ABCA10: variants seen among roughly 807,000 people sequenced by gnomAD.
The protein encoded by ABCA10 is ATP binding cassette subfamily A member 10, also known as ATP-binding cassette sub-family A member 10.
In ABCA10, 169 loss-of-function variants were observed where a neutral mutation model predicts 187.5. The ratio of observed to expected loss-of-function variants is 0.90; its 90% CI spans 0.80 to 1.02. The LOEUF (loss-of-function observed/expected upper bound fraction) is 1.02. ABCA10 is among the 50% of genes least tolerant of loss of function. The pLI, the probability that ABCA10 is intolerant of heterozygous loss-of-function variation, is 0.00. For synonymous variants in ABCA10, 574 were observed against 601.8 expected (o/e 0.95, Z 0.68); for missense variants, 1,727 against 1,812.4 (o/e 0.95, Z 0.86).
In ABCA10 at chr17:69,174,272, T is replaced by C. The variant is rs1269081317; in HGVS notation, c.3162+9A>G. ...TAATATAAATGTGCACGCATGTATA[T>C]ATACTTACAATAAAAAAGCCAAAAG... On this transcript the variant is annotated intron_variant, in intron 25 of 38. Transcript: ENST00000690296. The C allele has an allele frequency of 2.6e-6, 4 of 1,554,384 alleles. No homozygotes were observed. The highest frequency in any genetic ancestry group is 3.5e-6 in the Non-Finnish European group (4 of 1,140,742).
At chr17:69,203,652 G>C (rs925799361) in intron 9 of ABCA10, among the ~76,000 whole-genome samples, 1 of 152,180 alleles carries the variant, frequency 6.6e-6, no homozygotes, top group Non-Finnish European at 1.5e-5. Context: ...AGCTGCCAGA[G>C]AGAGCTTCCT....
chr17:69,149,608 G>T (rs1220758711), intron 37 of ABCA10, among the ~76,000 whole-genome samples: 1 of 152,032 alleles, frequency 6.6e-6, no homozygotes, highest in Admixed American at 6.6e-5. Context: ...TGGTACCTTG[G>T]CTTTTAGAAA....
At chr17:69,157,147 T>C (rs1038148223) in intron 27 of ABCA10, among the ~76,000 whole-genome samples, 1 of 152,170 alleles carries the variant, frequency 6.6e-6, no homozygotes, top group African/African-American at 2.4e-5. Context: ...CCCACATTAA[T>C]TTTTTTAAAA....
chr17:69,207,968 A>G (rs1250363649), intron 9 of ABCA10, among the ~76,000 whole-genome samples: 1 of 152,230 alleles, frequency 6.6e-6, no homozygotes, highest in Non-Finnish European at 1.5e-5. Flanking sequence ...GGATATGTTA[A>G]TTAGCTAGAT....
chr17:69,219,849 G>C lies in ABCA10; in HGVS notation c.304-78C>G, dbSNP rs1012361947. ...AGAAAACTATACACTTTTTATTTTC[G>C]ATTTCAATATTTACATATTCTCATC... On this transcript the variant is annotated intron_variant, in intron 5 of 38. Coordinates refer to ENST00000690296, the MANE Select transcript of ABCA10 (RefSeq NM_001377321.1). 3.9e-6 allele frequency: 4 copies of C among 1,017,460 alleles called. No homozygotes were observed. The East Asian group carries it at 7.9e-5, about 20-fold the overall frequency. 63.0% of individuals were successfully genotyped at this position (1,017,460 alleles called of 1,614,324 possible). A position where few individuals can be genotyped will look rare whatever the true frequency, so the allele number is the denominator to read the frequency against.
At chr17:69,182,586 A>T in intron 21 of ABCA10, 89 bp downstream of exon 21, 1 of 1,370,804 alleles carries the variant, frequency 7.3e-7, no homozygotes, top group Non-Finnish European at 9.5e-7. Context: ...TAGAAAACAT[A>T]CTTAAGTTTC....
At chr17:69,182,022 G>C (rs2074383654) in intron 22 of ABCA10, 131 bp downstream of exon 22, 1 of 880,050 alleles carries the variant, frequency 1.1e-6, no homozygotes, top group Admixed American at 3.9e-5. Flanking sequence ...AGACACAAAG[G>C]CAAGGAGTAG....
intron 9 of ABCA10, among the ~76,000 whole-genome samples, chr17:69,204,239 C>T (rs1460657480): frequency 1.3e-5 from 2 of 152,096 alleles, no homozygotes; most frequent in Admixed American, 1.3e-4. Context: ...CTCTGCCAAA[C>T]AATTTTTAAT....
intron 5 of ABCA10, 63 bp from the exon 6 acceptor site, chr17:69,219,834 A>T: frequency 8.7e-7 from 1 of 1,153,780 alleles, no homozygotes; most frequent in Non-Finnish European, 1.2e-6. Flanking sequence ...AGAAAACTAT[A>T]CACTTTTTAT....
chr17:69,162,950 GC>G (rs2074229280), intron 27 of ABCA10, among the ~76,000 whole-genome samples: 2 of 151,600 alleles, frequency 1.3e-5, no homozygotes, highest in Admixed American at 1.3e-4. Context: ...CGATTCTCCT[GC>G]CTCAGCCTCC....
chr17:69,171,859 AT>A (rs547648328), intron 25 of ABCA10, among the ~76,000 whole-genome samples: 1 of 148,368 alleles, frequency 6.7e-6, no homozygotes, highest in African/African-American at 2.5e-5. Context: ...GTGAAAAAAG[AT>A]TTTTTTTAAA....
At chr17:69,154,813 C>T (rs756847505) in intron 30 of ABCA10, among the ~76,000 whole-genome samples, 3 of 152,118 alleles carry the variant, frequency 2.0e-5, no homozygotes, top group Non-Finnish European at 4.4e-5. Context: ...TCTTCTTAAT[C>T]CAAGACTGGG....
At chr17:69,207,882 A>AC (rs1471102711) in intron 9 of ABCA10, among the ~76,000 whole-genome samples, 2 of 152,174 alleles carry the variant, frequency 1.3e-5, no homozygotes, top group African/African-American at 2.4e-5. Context: ...TACAGCTAAT[A>AC]ACAACGTATT....
Position 69,174,774 on chromosome 17 carries a change from T to G in ABCA10, c.2881A>C (p.Asn961His), listed in dbSNP as rs746637225. ...GMSSISDYKK[N>H]VQSQLWISGL... ...GAAATCCATAACTGGGATTGAACAT[T>G]TTTCTGACAAAGAATAGAAGGGATA... Residue 961 changes from asparagine to histidine, a missense_variant, in exon 24 of 39, where the codon AAT becomes CAT. Physicochemically the swap from Asn to His is moderately conservative, Grantham distance 68. Transcript: ENST00000690296. The G allele has an allele frequency of 2.5e-6, 4 of 1,574,210 alleles. No individual in the cohort carries two copies. The East Asian group carries it at 6.7e-5, about 26-fold the overall frequency.
intron 9 of ABCA10, among the ~76,000 whole-genome samples, chr17:69,203,461 G>A (rs2074563633): frequency 6.6e-6 from 1 of 152,056 alleles, no homozygotes; most frequent in Admixed American, 6.6e-5. Context: ...GGAAACCAGT[G>A]AGCCATCCTC....
rs761372745 is a variant in ABCA10, at chr17:69,219,544, C to T, written c.530+1G>A. ...TACAGTAAAGTAGCAACTTAACTTA[C>T]CAGAATGCTGACTCTCGGAGACCCA... On this transcript the variant is annotated splice_donor_variant, in intron 6 of 38. Transcript: ENST00000690296. LOFTEE classifies it high-confidence loss of function. 2.6e-6 allele frequency: 4 copies of T among 1,555,414 alleles called. No individual in the cohort carries two copies. The highest frequency in any genetic ancestry group is 3.5e-6 in the Non-Finnish European group (4 of 1,150,864).
intron 25 of ABCA10, among the ~76,000 whole-genome samples, chr17:69,166,841 TG>T (rs1193394753): frequency 2.0e-5 from 3 of 152,086 alleles, no homozygotes; most frequent in Non-Finnish European, 2.9e-5. Flanking sequence ...CTCCCTATTC[TG>T]GGGGGAAAAG....
At chr17:69,174,206 T>C in intron 25 of ABCA10, 75 bp downstream of exon 25, 1 of 1,130,340 alleles carries the variant, frequency 8.8e-7, no homozygotes, top group Non-Finnish European at 1.2e-6. Context: ...AAGCAAAGTA[T>C]TTATACTTAA....
At chr17:69,179,216 A>C (rs999285893) in intron 22 of ABCA10, among the ~76,000 whole-genome samples, 17 of 152,018 alleles carry the variant, frequency 1.1e-4, no homozygotes, top group Non-Finnish European at 2.4e-4. Context: ...AAACAAAAAA[A>C]AAACCTCTAT....
Sources: allele counts gnomAD v4.1 joint callset (sites outside exome capture counted in the v4.1 genomes callset), GRCh38; gene constraint gnomAD v4.1.1; transcripts MANE v1.5; gene names NCBI Gene and HGNC (gene_info 2026-07-23, HGNC 2026-07-21).